The following B9D1 variants were observed in gnomAD, a reference collection of about 807,000 sequenced individuals.
B9D1 encodes B9 domain containing 1.
In B9D1, 20 loss-of-function variants were observed where a neutral mutation model predicts 26.1. The ratio of observed to expected loss-of-function variants is 0.77; its 90% CI spans 0.54 to 1.12. B9D1 has a LOEUF of 1.12. Ranked by LOEUF, B9D1 falls within the 50% of genes most tolerant of loss-of-function variation. B9D1 has a pLI of 0.00. For synonymous variants in B9D1, 105 were observed against 103.1 expected (o/e 1.02, Z -0.11); for missense variants, 260 against 273.7 (o/e 0.95, Z 0.35).
At chr17:19,342,264 CGAT>C (rs1908053076), downstream of B9D1, among the ~76,000 whole-genome samples, 2 of 152,234 alleles carry the variant, frequency 1.3e-5, no homozygotes, top group South Asian at 2.1e-4. Context: ...TGACAACAGA[CGAT>C]GAGTTTCAGA....
At chr17:19,342,314 C>T (rs1392427321), downstream of B9D1, among the ~76,000 whole-genome samples, 4 of 151,970 alleles carry the variant, frequency 2.6e-5, no homozygotes, top group South Asian at 2.1e-4. Flanking sequence ...CGGGAGTGCT[C>T]GTGAGATAAA....
chr17:19,337,700 G>C (rs1025154325), downstream of B9D1: 1 of 1,532,704 alleles, frequency 6.5e-7, no homozygotes, highest in African/African-American at 1.4e-5. Flanking sequence ...GACTCAAGCC[G>C]CTTTCATCTT....
intron 3 of B9D1, among the ~76,000 whole-genome samples, chr17:19,349,070 A>G (rs1909242639): frequency 2.0e-5 from 3 of 152,120 alleles, no homozygotes; most frequent in Admixed American, 1.3e-4. Flanking sequence ...TTCCCTCCCA[A>G]AAGGTAACAC....
chr17:19,369,839 C>T (rs986617220), intron 1 of B9D1, among the ~76,000 whole-genome samples: 2 of 152,140 alleles, frequency 1.3e-5, no homozygotes, highest in Non-Finnish European at 2.9e-5. Flanking sequence ...CTGGAAGACT[C>T]GCTGTGTGAT....
At chr17:19,364,415 AG>A, upstream of B9D1, 1 of 152,294 alleles carries the variant, frequency 6.6e-6, no homozygotes, top group Non-Finnish European at 1.5e-5. This position sits in a 1 kb window ranked among gnomAD's most constrained non-coding sequence, Gnocchi z 4.3. Flanking sequence ...GGGCTTGCAT[AG>A]GGCCTGCTGG....
At position 19,347,772 on chromosome 17, in the gene B9D1, A is replaced by G; in HGVS notation, c.341+12T>C. On this transcript the variant is annotated intron_variant, in intron 4 of 6. Transcript: ENST00000261499. This position sits in a 1 kb window ranked among gnomAD's most constrained non-coding sequence, Gnocchi z 4.3. ...AGTCCTGCCCAGGGCCCAGGTCAGA[A>G]TGAGGACCTACCGGCCAGGTGAGAA... 6.2e-7 allele frequency: 1 copy of G among 1,613,212 alleles called. No individual in the cohort carries two copies. Among genetic ancestry groups the G allele is most frequent in the Non-Finnish European group, 8.5e-7 (1 of 1,179,246 alleles).
chr17:19,337,700 G>A (rs1025154325), downstream of B9D1: 9 of 1,532,586 alleles, frequency 5.9e-6, no homozygotes, highest in African/African-American at 5.5e-5. Context: ...GACTCAAGCC[G>A]CTTTCATCTT....
chr17:19,367,086 A>G (rs1911628841), upstream of B9D1, among the ~76,000 whole-genome samples: 1 of 152,178 alleles, frequency 6.6e-6, no homozygotes, highest in South Asian at 2.1e-4. Flanking sequence ...AAGGGCATAC[A>G]TGCTTCAGAA....
chr17:19,343,567 AC>A, intron 6 of B9D1, 106 bp from the exon 7 acceptor site: 1 of 1,583,044 alleles, frequency 6.3e-7, no homozygotes, highest in Non-Finnish European at 8.6e-7. Context: ...AATGGGGACA[AC>A]AGTGCCTGAC....
At chr17:19,368,909 A>G (rs1840950806) in intron 1 of B9D1, among the ~76,000 whole-genome samples, 1 of 152,166 alleles carries the variant, frequency 6.6e-6, no homozygotes. Context: ...CGCCACAGCA[A>G]GACCCCATCT....
chr17:19,349,772 A>T (rs1243279074), intron 3 of B9D1, among the ~76,000 whole-genome samples: 1 of 152,156 alleles, frequency 6.6e-6, no homozygotes, highest in Non-Finnish European at 1.5e-5. Context: ...GAATGAACAT[A>T]AGCCCTTAAT....
rs2152278609 is a variant in B9D1 at position 19,362,463 on chromosome 17, GGGACGCTGGGGGGCGGGCCCCGGC to G, written c.63+20_63+43del. Reference sequence around the variant, plus strand: ...CGGGGGGTTGCGGGAAGGGCCCCGGGGGACGCTGGGGGGCGGGCCCCGGCGGGGTCCACGGCCGCTCACCTGGGC... The same window carrying G: ...CGGGGGGTTGCGGGAAGGGCCCCGGGGGGGTCCACGGCCGCTCACCTGGGC... On this transcript the variant is annotated intron_variant, in intron 1 of 6. Transcript: ENST00000261499. 4.1e-6 allele frequency: 6 copies of G among 1,476,708 alleles called. No individual in the cohort carries two copies. In the East Asian group the frequency reaches 1.5e-4, roughly 36 times the overall value. 91.5% of individuals were successfully genotyped at this position (1,476,708 alleles called of 1,614,324 possible).
downstream of B9D1, among the ~76,000 whole-genome samples, chr17:19,338,276 C>G (rs1907622436): frequency 6.6e-6 from 1 of 152,230 alleles, no homozygotes; most frequent in Non-Finnish European, 1.5e-5. Context: ...CTGCTCTGGG[C>G]TCTGCCCCCT....
At position 19,347,407 on chromosome 17, in the gene B9D1, G is replaced by A; in HGVS notation, c.342-76C>T. 2 of 1,551,578 alleles carry A rather than the reference G, an allele frequency of 1.3e-6. No homozygotes were observed. Among genetic ancestry groups the A allele is most frequent in the Admixed American group, 1.7e-5 (1 of 58,964 alleles). ...AGCCTCCAGGGAGAAGAAACCCTCAGATCAGGCCAGTGCAGCTGCAGCGTG... is the reference window on the plus strand; with the variant it reads ...AGCCTCCAGGGAGAAGAAACCCTCAAATCAGGCCAGTGCAGCTGCAGCGTG... On this transcript the variant is annotated intron_variant, in intron 4 of 6. Coordinates refer to ENST00000261499, the MANE Select transcript of B9D1 (RefSeq NM_015681.6). This position sits in a 1 kb window ranked among gnomAD's most constrained non-coding sequence, Gnocchi z 4.3.
rs1184352870 is a variant in B9D1, at chr17:19,362,544, A to C, written c.26T>G (p.Phe9Cys). ...CACCTGCCCGTTGACCATGAGTAGAAAGACGCTAGGACTCGCGGTCGCCAT... is the reference window on the plus strand; with the variant it reads ...CACCTGCCCGTTGACCATGAGTAGACAGACGCTAGGACTCGCGGTCGCCAT... MATASPSV[F>C]LLMVNGQVES... Residue 9 changes from phenylalanine (F) to cysteine (C), a missense_variant, in exon 1 of 7, where the codon TTT (phenylalanine) becomes TGT (cysteine). Coordinates refer to ENST00000261499, the MANE Select transcript of B9D1 (RefSeq NM_015681.6). 2 of 1,589,008 alleles carry C rather than the reference A, an allele frequency of 1.3e-6. No homozygotes were observed. Among genetic ancestry groups the C allele is most frequent in the African/African-American group, 1.3e-5 (1 of 74,652 alleles).
rs938759799 is a variant in B9D1, at chr17:19,370,692, C to T, written c.-298+7167G>A. Among the ~76,000 whole-genome samples the T allele has an allele frequency of 3.3e-5, 5 of 152,140 alleles. No individual in the cohort carries two copies. In the East Asian group the frequency reaches 5.8e-4, roughly 18 times the overall value. On this transcript the variant is annotated intron_variant, in intron 1 of 5. Coordinates refer to the B9D1 transcript ENST00000477478. This position sits in a 1 kb window ranked among gnomAD's most constrained non-coding sequence, Gnocchi z 5.1. ...AATGGTGGAAGCAGGGGTGAGGCCCCGAGAGGTGTCTGGAGCCATCTGGCC... is the reference window on the plus strand; with the variant it reads ...AATGGTGGAAGCAGGGGTGAGGCCCTGAGAGGTGTCTGGAGCCATCTGGCC...
At chr17:19,362,925 C>T, upstream of B9D1, 2 of 386,226 alleles carry the variant, frequency 5.2e-6, no homozygotes, top group Non-Finnish European at 9.9e-6. Flanking sequence ...CCCGGCTCCC[C>T]GTCCCCGCCG....
At position 19,347,292 on chromosome 17, in the gene B9D1, C is replaced by T. The variant is rs755165652; in HGVS notation, c.381G>A (p.Thr127=). Reference sequence around the variant, plus strand: ...ACCTTGTAAACTTCTGCAGTTTAGACGTAGATTCTGGGACAAACATGGGGA... The same window carrying T: ...ACCTTGTAAACTTCTGCAGTTTAGATGTAGATTCTGGGACAAACATGGGGA... ...RTIPMFVPES[T]SKLQKFTSWF... is the part of the protein sequence containing the mutation. Residue 127 remains threonine (T), a synonymous_variant, in exon 5 of 7, where the codon ACG becomes ACA. Coordinates refer to ENST00000261499, the MANE Select transcript of B9D1 (RefSeq NM_015681.6). The surrounding 1 kb of genome is among the most constrained non-coding windows in gnomAD (Gnocchi z 4.3). The T allele has an allele frequency of 1.2e-5, 19 of 1,614,072 alleles. No individual in the cohort carries two copies. Among genetic ancestry groups the T allele is most frequent in the African/African-American group, 8.0e-5 (6 of 74,920 alleles).
At chr17:19,365,846 CT>C (rs202162223), upstream of B9D1, among the ~76,000 whole-genome samples, 556 of 143,652 alleles carry the variant, frequency 3.9e-3, 3 homozygotes, top group East Asian at 0.024. This position sits in a 1 kb window ranked among gnomAD's most constrained non-coding sequence, Gnocchi z 5.0. Context: ...TGTAGCTATT[CT>C]TTTTTTTTTT....
Sources: gnomAD v4.1 joint callset for allele counts (sites outside exome capture counted in the v4.1 genomes callset) on GRCh38, gnomAD v4.1.1 for gene constraint, Gnocchi (gnomAD v3.1) non-coding constraint, MANE v1.5 for transcripts, NCBI Gene and HGNC (gene_info 2026-07-23, HGNC 2026-07-21) for gene names.